Variants in FAM168B observed in about 807,000 individuals in gnomAD.
The protein encoded by FAM168B is myelin-associated neurite-outgrowth inhibitor.
In FAM168B, 19 loss-of-function variants were observed where a neutral mutation model predicts 21.8. The observed-to-expected ratio is 0.87, with a 90% CI of 0.61 to 1.28. The LOEUF is 1.28. Ranked by LOEUF, FAM168B falls within the 50% of genes most tolerant of loss-of-function variation. The pLI, the probability that FAM168B is intolerant of heterozygous loss-of-function variation, is 0.00. For missense variants in FAM168B, 233 were observed against 263.1 expected (o/e 0.89, Z 0.79); for synonymous variants, 126 against 104.8 (o/e 1.20, Z -1.24).
At chr2:131,064,876 A>C (rs1021551393) in intron 3 of FAM168B, among the ~76,000 whole-genome samples, 2 of 152,178 alleles carry the variant, frequency 1.3e-5, no homozygotes, top group African/African-American at 4.8e-5. Context: ...CTAAGAAGAG[A>C]TCTCAACACA....
rs1267765009 is a variant in FAM168B at position 131,048,144 on chromosome 2, A to G, written c.*4321T>C. 3.3e-6 allele frequency: 4 copies of G among 1,225,694 alleles called. No individual in the cohort carries two copies. Among genetic ancestry groups the G allele is most frequent in the Non-Finnish European group, 4.2e-6 (4 of 942,974 alleles). The allele number at this position is 1,225,694 out of a possible 1,614,324, so 75.9% of individuals were successfully genotyped here. A position where few individuals can be genotyped will look rare whatever the true frequency, so the allele number is the denominator to read the frequency against. Reference sequence around the variant, plus strand: ...TTAGCTTAAAAAAAGTACCGAGAGAACGGTGTAAAAAACGGTATTTAAAAA... The same window carrying G: ...TTAGCTTAAAAAAAGTACCGAGAGAGCGGTGTAAAAAACGGTATTTAAAAA... On this transcript the variant is annotated 3_prime_UTR_variant, in exon 7 of 7. Transcript: ENST00000389915.
intron 2 of FAM168B, among the ~76,000 whole-genome samples, chr2:131,075,327 G>A (rs1693089426): frequency 6.6e-6 from 1 of 151,254 alleles, no homozygotes; most frequent in South Asian, 2.1e-4. Flanking sequence ...TATCCTGTAG[G>A]CCTCTGCAAT....
Position 131,052,981 on chromosome 2 carries a change from G to A in FAM168B, c.510C>T (p.Val170=), listed in dbSNP as rs1280568685. 5.8e-6 allele frequency: 9 copies of A among 1,557,316 alleles called. No homozygotes were observed. The highest frequency in any genetic ancestry group is 1.7e-4 in the Middle Eastern group (1 of 5,994). Reference sequence around the variant, plus strand: ...TGGGCACAGTGACCGGGTGGGGGGCGACAGGAGTTGGGGAGTGAGCAGTCA... The same window carrying A: ...TGGGCACAGTGACCGGGTGGGGGGCAACAGGAGTTGGGGAGTGAGCAGTCA... ...TLLTAHSPTP[V]APHPVTVPTY... Residue 170 remains valine, a synonymous_variant, in exon 6 of 7, where the codon GTC becomes GTT. Transcript: ENST00000389915.
intron 3 of FAM168B, among the ~76,000 whole-genome samples, chr2:131,068,541 C>T (rs2105510854): frequency 6.6e-6 from 1 of 152,284 alleles, no homozygotes; most frequent in African/African-American, 2.4e-5. Flanking sequence ...AGCAGTCTGG[C>T]ACCTAACAAC....
intron 1 of FAM168B, among the ~76,000 whole-genome samples, chr2:131,090,079 G>T (rs1283998261): frequency 2.0e-5 from 3 of 149,896 alleles, no homozygotes; most frequent in Non-Finnish European, 4.4e-5. Context: ...CAGCACTTCG[G>T]GAGGCCGACG....
chr2:131,049,516 G>C lies in FAM168B; in HGVS notation c.*2949C>G. ...GACTCTGGCCCTCACAGAGCGGCAA[G>C]TTCATGGGTCACTGGCTCACACTAA... On this transcript the variant is annotated 3_prime_UTR_variant, in exon 7 of 7. Transcript: ENST00000389915. 1 of 985,452 alleles carries C rather than the reference G, an allele frequency of 1.0e-6. No individual in the cohort carries two copies. Among genetic ancestry groups the C allele is most frequent in the Non-Finnish European group, 1.2e-6 (1 of 829,950 alleles). The allele number at this position is 985,452 out of a possible 1,614,324, so 61.0% of individuals were successfully genotyped here.
intron 3 of FAM168B, among the ~76,000 whole-genome samples, chr2:131,063,700 G>A (rs879343121): frequency 1.9e-4 from 29 of 152,260 alleles, no homozygotes; most frequent in Middle Eastern, 3.4e-3. Context: ...CGCTCATTGA[G>A]CACAGCAATT....
chr2:131,059,847 A>G (rs1692206380), intron 3 of FAM168B, among the ~76,000 whole-genome samples: 1 of 152,248 alleles, frequency 6.6e-6, no homozygotes, highest in African/African-American at 2.4e-5. Context: ...TAAAGATAAT[A>G]TTTAAAAAGC....
Position 131,048,623 on chromosome 2 carries a change from G to A in FAM168B, c.*3842C>T, listed in dbSNP as rs1381304061. ...GTGTTACTTGGTCAGTTGAGCCCCT[G>A]GAGCCCTCAGGACCTACTGATAAAG... On this transcript the variant is annotated 3_prime_UTR_variant, in exon 7 of 7. Coordinates refer to ENST00000389915, the MANE Select transcript of FAM168B (RefSeq NM_001009993.4). 4 of 1,077,728 alleles carry A rather than the reference G, an allele frequency of 3.7e-6. No homozygotes were observed. In the African/African-American group the frequency reaches 5.0e-5, roughly 13 times the overall value. The allele number at this position is 1,077,728 out of a possible 1,614,324, so 66.8% of individuals were successfully genotyped here.
At position 131,055,563 on chromosome 2, in the gene FAM168B, G is replaced by A. The variant is rs200659520; in HGVS notation, c.287C>T (p.Pro96Leu). The change falls in exon 4 of 7, where the codon CCG (proline) becomes CTG (leucine). Residue 96 changes from proline (P) to leucine (L), a missense_variant. By Grantham distance (98) the Pro-to-Leu change is moderately conservative. Coordinates refer to ENST00000389915, the MANE Select transcript of FAM168B (RefSeq NM_001009993.4). The stretch of plus-strand genomic sequence containing the variant: ...TGTACCCAAGCATACCTGTGCATAC[G>A]GGCTCTGCTGGGGGTAGGCACTTCG... ...PVRSAYPQQS[P>L]YAQQGTYYTQ... is the part of the protein sequence containing the mutation. The A allele has an allele frequency of 2.0e-4, 321 of 1,603,440 alleles. No individual in the cohort carries two copies. The highest frequency in any genetic ancestry group is 2.5e-4 in the Non-Finnish European group (296 of 1,174,990).
chr2:131,062,961 T>A (rs747106065), intron 3 of FAM168B, among the ~76,000 whole-genome samples: 1 of 152,324 alleles, frequency 6.6e-6, no homozygotes, highest in East Asian at 1.9e-4. Flanking sequence ...AGGTAAGATA[T>A]ACTGAGGACC....
At chr2:131,063,926 T>G (rs1248153586) in intron 3 of FAM168B, among the ~76,000 whole-genome samples, 1 of 152,034 alleles carries the variant, frequency 6.6e-6, no homozygotes, top group Non-Finnish European at 1.5e-5. Context: ...CAACAGGAAC[T>G]TCACAAACTT....
At chr2:131,054,276 G>A (rs371563767) in intron 5 of FAM168B, among the ~76,000 whole-genome samples, 96 of 149,866 alleles carry the variant, frequency 6.4e-4, no homozygotes, top group African/African-American at 2.3e-3. Context: ...AACTACATGA[G>A]CTTCTGAGTT....
chr2:131,080,247 T>C (rs547695301), intron 2 of FAM168B, among the ~76,000 whole-genome samples: 149 of 151,636 alleles, frequency 9.8e-4, no homozygotes, highest in Non-Finnish European at 1.9e-3. Flanking sequence ...TGGCTGTTGA[T>C]TGCACAAAAT....
Position 131,048,958 on chromosome 2 carries a change from T to C in FAM168B, c.*3507A>G, listed in dbSNP as rs1691475121. ...TCGGATAAGGTGAAGGTGGCCCAACTGCTCAGAGTAACACTGTTCTCAAAT... is the reference window on the plus strand; with the variant it reads ...TCGGATAAGGTGAAGGTGGCCCAACCGCTCAGAGTAACACTGTTCTCAAAT... On this transcript the variant is annotated 3_prime_UTR_variant, in exon 7 of 7. Transcript: ENST00000389915. The C allele has an allele frequency of 2.0e-6, 2 of 985,698 alleles. No individual in the cohort carries two copies. Among genetic ancestry groups the C allele is most frequent in the Middle Eastern group, 5.2e-4 (1 of 1,936 alleles). 61.1% of individuals were successfully genotyped at this position (985,698 alleles called of 1,614,324 possible).
chr2:131,074,480 C>T (rs1405161703), intron 2 of FAM168B, among the ~76,000 whole-genome samples: 1 of 152,144 alleles, frequency 6.6e-6, no homozygotes, highest in Admixed American at 6.6e-5. Context: ...CTCAGGTTTC[C>T]TAGCCTTGAT....
rs865876523 is a variant in FAM168B, at chr2:131,065,692, G to A, written c.154+6163C>T. Among the ~76,000 whole-genome samples, 136 of 151,684 alleles carry A rather than the reference G, an allele frequency of 9.0e-4. 1 individual carries two copies. Among genetic ancestry groups the A allele is most frequent in the South Asian group, 2.5e-3 (12 of 4,800 alleles). ...TAATTCCAGCTTCTCAGGAGGCTGA[G>A]GCAGGAGAATCGCTTGAACCCAGGT... is the stretch of plus-strand genomic sequence containing the variant. On this transcript the variant is annotated intron_variant, in intron 3 of 6. Transcript: ENST00000389915.
At chr2:131,058,999 A>G (rs1338495155) in intron 3 of FAM168B, among the ~76,000 whole-genome samples, 1 of 152,150 alleles carries the variant, frequency 6.6e-6, no homozygotes, top group Non-Finnish European at 1.5e-5. Flanking sequence ...GACCCGGGAC[A>G]GTCCAATTCC....
intron 2 of FAM168B, among the ~76,000 whole-genome samples, chr2:131,080,794 T>G (rs936172812): frequency 2.0e-5 from 3 of 151,448 alleles, no homozygotes; most frequent in African/African-American, 7.3e-5. Context: ...CTCAGCATCC[T>G]AAGTAGCTGG....
Sources: gnomAD v4.1 joint callset for allele counts (sites outside exome capture counted in the v4.1 genomes callset) on GRCh38, gnomAD v4.1.1 for gene constraint, MANE v1.5 for transcripts, NCBI Gene and HGNC (gene_info 2026-07-23, HGNC 2026-07-21) for gene names.